BTBD7: variants seen among roughly 807,000 people sequenced by gnomAD.
The protein encoded by BTBD7 is BTB/POZ domain-containing protein 7.
Under a neutral mutation model 99.9 loss-of-function variants are expected in BTBD7, and 38 were observed. That is an observed-to-expected ratio of 0.38 (90% CI 0.29 to 0.50). BTBD7 has a LOEUF of 0.50. Among genes scored for constraint, BTBD7 ranks in the 20% least tolerant of loss-of-function variants. The probability of loss-of-function intolerance (pLI) is 0.93; values close to 1 mark genes in which losing one functional copy is unlikely to be tolerated. For synonymous variants in BTBD7, 520 were observed against 511.4 expected (o/e 1.02, Z -0.23); for missense variants, 1,170 against 1,394.6 (o/e 0.84, Z 2.57).
chr14:93,245,190 T>C (rs932085555), intron 10 of BTBD7, among the ~76,000 whole-genome samples: 1 of 151,782 alleles, frequency 6.6e-6, no homozygotes, highest in African/African-American at 2.4e-5. Flanking sequence ...TTTTAAAGTA[T>C]ATTATACAAA....
intron 1 of BTBD7, among the ~76,000 whole-genome samples, chr14:93,297,856 A>G (rs900723491): frequency 1.3e-5 from 2 of 152,188 alleles, no homozygotes; most frequent in African/African-American, 4.8e-5. Context: ...ACAAAAATCC[A>G]GAATAAAACT....
chr14:93,242,125 A>C lies in BTBD7; in HGVS notation c.*148T>G. 1.5e-6 allele frequency: 1 copy of C among 684,812 alleles called. No individual in the cohort carries two copies. The highest frequency in any genetic ancestry group is 3.0e-5 in the Admixed American group (1 of 33,796). 42.4% of individuals were successfully genotyped at this position (684,812 alleles called of 1,614,324 possible). ...AAAACCTTCTTAGCATGCCATGTCT[A>C]ATAAACACATATATACACAAAAACT... On this transcript the variant is annotated 3_prime_UTR_variant, in exon 11 of 11. Coordinates refer to ENST00000334746, the MANE Select transcript of BTBD7 (RefSeq NM_001002860.4).
chr14:93,253,678 C>T lies in BTBD7; in HGVS notation c.1721G>A (p.Arg574Gln). ...QKNAGIYVRPRLFSPYVEEAK... is the reference protein window; with the variant it reads ...QKNAGIYVRPQLFSPYVEEAK... Reference sequence around the variant, plus strand: ...TTCTTCCACATAGGGAGAGAAGAGTCGAGGACGAACATAGATGCCAGCATT... The same window carrying T: ...TTCTTCCACATAGGGAGAGAAGAGTTGAGGACGAACATAGATGCCAGCATT... Residue 574 changes from arginine (R) to glutamine (Q), a missense_variant, in exon 7 of 11, where the codon CGA becomes CAA. Coordinates refer to ENST00000334746, the MANE Select transcript of BTBD7 (RefSeq NM_001002860.4). The T allele has an allele frequency of 1.2e-6, 2 of 1,611,414 alleles. No homozygotes were observed. The highest frequency in any genetic ancestry group is 1.7e-6 in the Non-Finnish European group (2 of 1,178,074).
chr14:93,277,713 T>C (rs1049780362), intron 3 of BTBD7, among the ~76,000 whole-genome samples: 2 of 152,192 alleles, frequency 1.3e-5, no homozygotes, highest in Non-Finnish European at 2.9e-5. Flanking sequence ...GCTATTTCTA[T>C]AATCAAAGTT....
chr14:93,273,646 C>A (rs920622099), intron 3 of BTBD7, among the ~76,000 whole-genome samples: 1 of 152,186 alleles, frequency 6.6e-6, no homozygotes, highest in Non-Finnish European at 1.5e-5. Context: ...CTAGGAGAAG[C>A]AGCTCCCCCA....
rs772836761 is a variant in BTBD7, at chr14:93,246,124, G to A, written c.2284C>T (p.Pro762Ser). ...VAFHPPLPPP[P>S]PPYHPPATPI... Reference sequence around the variant, plus strand: ...GTAGCTGGGGGGTGGTAGGGAGGTGGTGGAGGGGGCAAGGGTGGATGGAAG... The same window carrying A: ...GTAGCTGGGGGGTGGTAGGGAGGTGATGGAGGGGGCAAGGGTGGATGGAAG... Residue 762 changes from proline (P) to serine (S), a missense_variant, in exon 10 of 11, where the codon CCA becomes TCA. Physicochemically the swap from Pro to Ser is moderately conservative, Grantham distance 74. Around this residue, in one of 4 missense-constraint regions of BTBD7, gnomAD observed 495 missense variants for 525.9 expected, o/e 0.94. Coordinates refer to ENST00000334746, the MANE Select transcript of BTBD7 (RefSeq NM_001002860.4). 5 of 1,613,754 alleles carry A rather than the reference G, an allele frequency of 3.1e-6. No homozygotes were observed. The highest frequency in any genetic ancestry group is 3.4e-6 in the Non-Finnish European group (4 of 1,179,900).
At chr14:93,327,594 A>T (rs990523986) in intron 1 of BTBD7, among the ~76,000 whole-genome samples, 2 of 152,206 alleles carry the variant, frequency 1.3e-5, no homozygotes, top group African/African-American at 4.8e-5. Flanking sequence ...ACCTGTTAAA[A>T]CACTCAACAA....
chr14:93,274,183 G>GT (rs2052630738), intron 3 of BTBD7, among the ~76,000 whole-genome samples: 1 of 152,338 alleles, frequency 6.6e-6, no homozygotes, highest in African/African-American at 2.4e-5. Flanking sequence ...TGAGTCTTTT[G>GT]TAGAGGTGTG....
At chr14:93,244,369 G>C (rs1465824173) in intron 10 of BTBD7, 2 of 194,048 alleles carry the variant, frequency 1.0e-5, no homozygotes, top group African/African-American at 4.8e-5. Context: ...TCTTGAGGTT[G>C]GCCGGGCGCA....
chr14:93,280,463 G>A (rs1327244547), intron 3 of BTBD7, among the ~76,000 whole-genome samples: 1 of 152,172 alleles, frequency 6.6e-6, no homozygotes, highest in Non-Finnish European at 1.5e-5. Context: ...ACATTTAAGT[G>A]TGCAAATATA....
At chr14:93,326,666 G>A (rs2053336814) in intron 1 of BTBD7, among the ~76,000 whole-genome samples, 1 of 152,126 alleles carries the variant, frequency 6.6e-6, no homozygotes, top group African/African-American at 2.4e-5. Context: ...GCCAGGTGTG[G>A]TGGCGCGTAC....
At chr14:93,244,520 G>A (rs977986307) in intron 10 of BTBD7, among the ~76,000 whole-genome samples, 2 of 152,148 alleles carry the variant, frequency 1.3e-5, no homozygotes, top group Non-Finnish European at 2.9e-5. Context: ...GTGGTGGTGC[G>A]TGCCTGTAAT....
intron 3 of BTBD7, among the ~76,000 whole-genome samples, chr14:93,279,923 T>C (rs186385077): frequency 1.8e-4 from 28 of 152,326 alleles, no homozygotes; most frequent in Non-Finnish European, 2.9e-4. Context: ...TAATGTCCCA[T>C]TGTTACCTTT....
intron 1 of BTBD7, among the ~76,000 whole-genome samples, chr14:93,297,361 C>T (rs1322436732): frequency 2.0e-5 from 3 of 152,150 alleles, no homozygotes; most frequent in Non-Finnish European, 4.4e-5. Flanking sequence ...CTCGCTCTGG[C>T]GCCCAGGCTG....
In BTBD7 at chr14:93,242,343, T is replaced by C. The variant is rs1403143072; in HGVS notation, c.3329A>G (p.Glu1110Gly). Residue 1110 changes from glutamate (E) to glycine (G), a missense_variant, in exon 11 of 11, where the codon GAA becomes GGA. By Grantham distance (98) the Glu-to-Gly change is moderately conservative. Around this residue, in one of 4 missense-constraint regions of BTBD7, gnomAD observed 495 missense variants for 525.9 expected, o/e 0.94. Transcript: ENST00000334746. The part of the protein sequence containing the change: ...GAQRNTDLER[E>G]DSISRGRRSP... The stretch of plus-strand genomic sequence containing the variant: ...CCTCCTTCCTCTGCTTATTGAATCT[T>C]CCCTTTCCAAATCTGTATTTCTCTG... 2.5e-6 allele frequency: 4 copies of C among 1,614,070 alleles called. No homozygotes were observed. The Admixed American group carries it at 6.7e-5, about 27-fold the overall frequency.
chr14:93,250,224 C>T (rs2052355534), intron 8 of BTBD7, among the ~76,000 whole-genome samples: 2 of 152,132 alleles, frequency 1.3e-5, no homozygotes, highest in Non-Finnish European at 2.9e-5. Flanking sequence ...ACCTCATTAG[C>T]TAAACAATAG....
rs2052516745 is a variant in BTBD7, at chr14:93,264,012, A to G, written c.1163-19T>C. The G allele has an allele frequency of 6.3e-7, 1 of 1,590,902 alleles. No homozygotes were observed. The highest frequency in any genetic ancestry group is 1.3e-5 in the African/African-American group (1 of 74,466). ...TCACAGCCTAAAAGAGAAGGCAAAT[A>G]CTTCTTGAGATTAATCATAAATATT... On this transcript the variant is annotated intron_variant, in intron 3 of 10. Coordinates refer to ENST00000334746, the MANE Select transcript of BTBD7 (RefSeq NM_001002860.4).
intron 10 of BTBD7, among the ~76,000 whole-genome samples, chr14:93,245,288 G>C (rs1348194865): frequency 2.0e-5 from 3 of 152,322 alleles, no homozygotes; most frequent in Middle Eastern, 3.4e-3. Flanking sequence ...AAGTGAAGTG[G>C]GGGCTCTGCT....
At chr14:93,249,269 A>C in intron 8 of BTBD7, among the ~76,000 whole-genome samples, 1 of 133,270 alleles carries the variant, frequency 7.5e-6, no homozygotes, top group African/African-American at 3.0e-5. Context: ...AGATAGGCAA[A>C]AAAAAAAAAA....
Sources: allele counts gnomAD v4.1 joint callset (sites outside exome capture counted in the v4.1 genomes callset), GRCh38; gene constraint gnomAD v4.1.1; regional missense constraint gnomAD v4.1.1; transcripts MANE v1.5; gene names NCBI Gene and HGNC (gene_info 2026-07-23, HGNC 2026-07-21).